Variants in NECTIN3 observed in about 807,000 individuals in gnomAD.
NECTIN3 encodes the protein nectin-3.
A neutral mutation model predicts 49.4 loss-of-function variants in NECTIN3; 8 were observed. The ratio of observed to expected loss-of-function variants is 0.16; its 90% CI spans 0.10 to 0.29. NECTIN3 has a LOEUF of 0.29. NECTIN3 is among the 10% of genes least tolerant of loss of function. The pLI is 1.00. For missense variants in NECTIN3, 581 were observed against 654.6 expected (o/e 0.89, Z 1.23); for synonymous variants, 277 against 241.1 (o/e 1.15, Z -1.38).
At chr3:111,109,248 A>C (rs559451828) in intron 1 of NECTIN3, among the ~76,000 whole-genome samples, 2 of 152,182 alleles carry the variant, frequency 1.3e-5, no homozygotes, top group East Asian at 3.9e-4. Context: ...ACTACCTTTG[A>C]GGTCAGAGCT....
At chr3:111,160,759 G>A (rs2035197069) in intron 7 of NECTIN3, among the ~76,000 whole-genome samples, 1 of 152,232 alleles carries the variant, frequency 6.6e-6, no homozygotes, top group South Asian at 2.1e-4. Context: ...TGTAATCCCA[G>A]CACTTTGGGA....
chr3:111,155,945 G>A (rs765562072), intron 7 of NECTIN3, among the ~76,000 whole-genome samples: 2 of 152,070 alleles, frequency 1.3e-5, no homozygotes, highest in African/African-American at 2.4e-5. Context: ...ACTTATCTCA[G>A]GCTATTGATA....
chr3:111,109,238 A>G (rs909028346), intron 1 of NECTIN3, among the ~76,000 whole-genome samples: 1 of 152,152 alleles, frequency 6.6e-6, no homozygotes, highest in African/African-American at 2.4e-5. Flanking sequence ...CCTACCAGAT[A>G]CTACCTTTGA....
chr3:111,175,693 A>T (rs2035514809), intron 7 of NECTIN3, among the ~76,000 whole-genome samples: 1 of 152,108 alleles, frequency 6.6e-6, no homozygotes, highest in Admixed American at 6.5e-5. Context: ...TGCAAACATG[A>T]TGACATTTCT....
chr3:111,145,051 T>C, intron 6 of NECTIN3: 1 of 1,534,778 alleles, frequency 6.5e-7, no homozygotes, highest in African/African-American at 1.4e-5. Flanking sequence ...GGTAACTTTT[T>C]TGCCTTTGTT....
At chr3:111,112,447 G>A in intron 2 of NECTIN3, 76 bp downstream of exon 2, 20 of 924,490 alleles carry the variant, frequency 2.2e-5, no homozygotes, top group South Asian at 1.0e-4. Flanking sequence ...AAATTAAAAT[G>A]GTTGAAATTT....
At chr3:111,163,786 ATT>A in intron 7 of NECTIN3, among the ~76,000 whole-genome samples, 1 of 151,982 alleles carries the variant, frequency 6.6e-6, no homozygotes, top group Middle Eastern at 3.4e-3. Context: ...TGTCACAATG[ATT>A]TTTTTTCTTT....
chr3:111,074,458 A>G (rs775898086), intron 1 of NECTIN3, among the ~76,000 whole-genome samples: 9 of 152,146 alleles, frequency 5.9e-5, no homozygotes, highest in Non-Finnish European at 7.3e-5. Context: ...TTTATGACAT[A>G]TAGATTTTTC....
chr3:111,100,584 G>A (rs1008958685), intron 1 of NECTIN3, among the ~76,000 whole-genome samples: 3 of 151,912 alleles, frequency 2.0e-5, no homozygotes, highest in Admixed American at 6.6e-5. Context: ...AACACATCTT[G>A]TCCTAAGCAT....
At chr3:111,125,517 C>T (rs1021061913) in intron 4 of NECTIN3, among the ~76,000 whole-genome samples, 4 of 152,078 alleles carry the variant, frequency 2.6e-5, no homozygotes, top group Non-Finnish European at 5.9e-5. Context: ...AATATGGATA[C>T]TAGGTATAGG....
rs1267476650 is a variant in NECTIN3, at chr3:111,135,605, GTGAAA to G, written c.*1395_*1399del. ...ATTTGAAAAAGTGACCATTTTGCCA[GTGAAA>G]TGAAGTGGAAGTTAGTAGGAGAATC... On this transcript the variant is annotated 3_prime_UTR_variant, in exon 6 of 6. Coordinates refer to ENST00000485303, the MANE Select transcript of NECTIN3 (RefSeq NM_015480.3). 1.0e-6 allele frequency: 1 copy of G among 964,634 alleles called. No individual in the cohort carries two copies. Among genetic ancestry groups the G allele is most frequent in the African/African-American group, 1.8e-5 (1 of 56,638 alleles). The allele number at this position is 964,634 out of a possible 1,614,324, so 59.8% of individuals were successfully genotyped here. A position where few individuals can be genotyped will look rare whatever the true frequency, so the allele number is the denominator to read the frequency against.
chr3:111,139,473 A>G (rs923660611), downstream of NECTIN3, among the ~76,000 whole-genome samples: 1 of 151,760 alleles, frequency 6.6e-6, no homozygotes, highest in Admixed American at 6.6e-5. Flanking sequence ...AGTGAGATCT[A>G]GAGCCTTGGT....
downstream of NECTIN3, among the ~76,000 whole-genome samples, chr3:111,139,600 C>T (rs1026793889): frequency 2.0e-5 from 3 of 151,806 alleles, no homozygotes; most frequent in Admixed American, 1.3e-4. Context: ...ATTTGGTGCT[C>T]GATGCCTAGA....
chr3:111,180,073 C>T (rs1164503267), intron 7 of NECTIN3, among the ~76,000 whole-genome samples: 1 of 152,136 alleles, frequency 6.6e-6, no homozygotes, highest in Admixed American at 6.5e-5. Context: ...ACCCCATTGA[C>T]ATTCACAGAG....
intron 7 of NECTIN3, among the ~76,000 whole-genome samples, chr3:111,175,710 G>A (rs984391839): frequency 6.6e-6 from 1 of 152,070 alleles, no homozygotes; most frequent in African/African-American, 2.4e-5. Context: ...TTCTCACTGT[G>A]TTTTAACTAA....
intron 7 of NECTIN3, among the ~76,000 whole-genome samples, chr3:111,159,336 A>G (rs758033679): frequency 4.6e-5 from 7 of 152,122 alleles, no homozygotes; most frequent in Admixed American, 2.0e-4. Flanking sequence ...ATTTATAATG[A>G]ATATGGTTTT....
At chr3:111,162,316 C>A (rs1192622562) in intron 7 of NECTIN3, among the ~76,000 whole-genome samples, 1 of 152,274 alleles carries the variant, frequency 6.6e-6, no homozygotes, top group Non-Finnish European at 1.5e-5. Context: ...CCATAATCCC[C>A]ACATCATGGG....
chr3:111,160,795 C>T lies in NECTIN3; in HGVS notation c.1221+13311C>T, dbSNP rs891207648. ...GGCTGAGGCAGGCGGATCACGAGGT[C>T]GGGAGATCGAGACCATCGTGGCTAA... On this transcript the variant is annotated intron_variant, in intron 7 of 8. Transcript: ENST00000493615. Among the ~76,000 whole-genome samples, 5 of 152,250 alleles carry T rather than the reference C, an allele frequency of 3.3e-5. No homozygotes were observed. The East Asian group carries it at 5.8e-4, about 18-fold the overall frequency.
rs2107494385 is a variant in NECTIN3, at chr3:111,133,898, C to T, written c.1333C>T (p.Pro445Ser). 6.2e-7 allele frequency: 1 copy of T among 1,613,892 alleles called. No homozygotes were observed. ...RGDYFAKNYI[P>S]PSDMQKESQI... ...AGACTACTTTGCCAAGAACTACATT[C>T]CACCATCAGATATGCAAAAAGAATC... is the stretch of plus-strand genomic sequence containing the variant. The change falls in exon 6 of 6, where the codon CCA becomes TCA. Residue 445 changes from proline to serine, a missense_variant. Pro to Ser is a moderately conservative substitution (Grantham distance 74). This residue lies in a region of NECTIN3 where 238 missense variants were observed against 244.9 expected (regional missense o/e 0.97). Coordinates refer to ENST00000485303, the MANE Select transcript of NECTIN3 (RefSeq NM_015480.3).
Sources: allele counts gnomAD v4.1 joint callset (sites outside exome capture counted in the v4.1 genomes callset), GRCh38; gene constraint gnomAD v4.1.1; regional missense constraint gnomAD v4.1.1; transcripts MANE v1.5; gene names NCBI Gene and HGNC (gene_info 2026-07-23, HGNC 2026-07-21).